Variants in PIBF1 observed in about 807,000 individuals in gnomAD.
PIBF1 encodes progesterone immunomodulatory binding factor 1.
In PIBF1, 90 loss-of-function variants were observed where a neutral mutation model predicts 112.5. The ratio of observed to expected loss-of-function variants is 0.80; its 90% CI spans 0.67 to 0.95. The LOEUF is 0.95. Ranked by LOEUF, PIBF1 falls within the 40% of genes least tolerant of loss-of-function variation. The pLI is 0.00. For missense variants in PIBF1, 915 were observed against 852.3 expected (o/e 1.07, Z -0.92); for synonymous variants, 301 against 288.6 (o/e 1.04, Z -0.44).
chr13:72,957,726 G>T (rs2042486834), intron 14 of PIBF1, among the ~76,000 whole-genome samples: 1 of 152,012 alleles, frequency 6.6e-6, no homozygotes, highest in African/African-American at 2.4e-5. Flanking sequence ...ATCACTGGAG[G>T]CCAGTAGTTC....
At chr13:72,936,220 A>T (rs191829550) in intron 14 of PIBF1, among the ~76,000 whole-genome samples, 1 of 151,972 alleles carries the variant, frequency 6.6e-6, no homozygotes, top group East Asian at 1.9e-4. Flanking sequence ...ATTTTTTTGT[A>T]GAGATGAGGT....
intron 9 of PIBF1, among the ~76,000 whole-genome samples, chr13:72,853,073 G>C (rs1485827929): frequency 6.6e-6 from 1 of 151,444 alleles, no homozygotes; most frequent in Non-Finnish European, 1.5e-5. Flanking sequence ...AAAAAAAATA[G>C]GTGACTATCT....
At chr13:72,931,288 C>G (rs949568290) in intron 14 of PIBF1, 21 bp downstream of exon 14, 1 of 1,355,704 alleles carries the variant, frequency 7.4e-7, no homozygotes, top group Non-Finnish European at 1.1e-6. Flanking sequence ...TAAAGAAACC[C>G]ATATGAAGAA....
In PIBF1 at chr13:72,821,900, C is replaced by T. The variant is rs753442090; in HGVS notation, c.724C>T (p.Arg242Cys). 115 of 1,612,404 alleles carry T rather than the reference C, an allele frequency of 7.1e-5. No homozygotes were observed. The highest frequency in any genetic ancestry group is 2.3e-4 in the African/African-American group (17 of 74,838). The change falls in exon 6 of 18, where the codon CGT becomes TGT. Residue 242 changes from arginine (R) to cysteine (C), a missense_variant. Arg to Cys is a radical substitution (Grantham distance 180). Coordinates refer to ENST00000326291, the MANE Select transcript of PIBF1 (RefSeq NM_006346.4). ...CTCTGAAGTTCAAATTAGATGTCAA[C>T]GTTTGGCCTTAGAATTAGCAGACAC... Reference protein sequence around the residue: ...NYSEVQIRCQRLALELADTKQ... With the variant: ...NYSEVQIRCQCLALELADTKQ...
At chr13:72,792,928 TATC>T (rs1178947252) in intron 3 of PIBF1, among the ~76,000 whole-genome samples, 3 of 152,222 alleles carry the variant, frequency 2.0e-5, no homozygotes, top group Non-Finnish European at 4.4e-5. Context: ...GTTGTGGGCT[TATC>T]ATGCTTAAAT....
intron 16 of PIBF1, among the ~76,000 whole-genome samples, chr13:72,994,618 A>C (rs1400203611): frequency 1.3e-5 from 2 of 152,220 alleles, no homozygotes; most frequent in African/African-American, 4.8e-5. Flanking sequence ...TAGTTATAGA[A>C]GAGGAAAGTA....
At chr13:73,005,323 A>G (rs1388398014) in intron 17 of PIBF1, among the ~76,000 whole-genome samples, 2 of 151,044 alleles carry the variant, frequency 1.3e-5, no homozygotes, top group Non-Finnish European at 3.0e-5. Context: ...TTTTTTTTAA[A>G]TTAGCCAGGC....
At chr13:72,886,951 A>G (rs1837625999) in intron 10 of PIBF1, among the ~76,000 whole-genome samples, 1 of 151,742 alleles carries the variant, frequency 6.6e-6, no homozygotes, top group South Asian at 2.1e-4. Context: ...TGGCTTTAAA[A>G]GTTTTTCCTA....
chr13:72,826,912 C>G, intron 6 of PIBF1, 98 bp from the exon 7 acceptor site: 1 of 554,656 alleles, frequency 1.8e-6, no homozygotes, highest in South Asian at 3.6e-5. Context: ...TTGCTAGTGT[C>G]TCTATTCAGC....
At chr13:72,859,699 C>G (rs1432829577) in intron 10 of PIBF1, among the ~76,000 whole-genome samples, 1 of 151,996 alleles carries the variant, frequency 6.6e-6, no homozygotes, top group Non-Finnish European at 1.5e-5. Context: ...GGTTTATAGG[C>G]TTAGATGTGA....
chr13:72,845,757 A>C, intron 9 of PIBF1, among the ~76,000 whole-genome samples: 1 of 152,142 alleles, frequency 6.6e-6, no homozygotes, highest in East Asian at 1.9e-4. Context: ...ATTATCAGTG[A>C]TGATGAGCTT....
At chr13:72,968,822 G>T (rs1353238450) in intron 15 of PIBF1, among the ~76,000 whole-genome samples, 2 of 151,998 alleles carry the variant, frequency 1.3e-5, no homozygotes, top group Non-Finnish European at 2.9e-5. Context: ...CTGAGCCCAG[G>T]AGTTCGAGAC....
At chr13:72,794,854 T>G (rs1249601926) in intron 3 of PIBF1, among the ~76,000 whole-genome samples, 1 of 152,164 alleles carries the variant, frequency 6.6e-6, no homozygotes, top group Non-Finnish European at 1.5e-5. Flanking sequence ...CTGATCAGAA[T>G]CTTTCAGTAG....
intron 9 of PIBF1, among the ~76,000 whole-genome samples, chr13:72,851,524 G>T (rs567443518): frequency 4.6e-5 from 7 of 152,358 alleles, no homozygotes; most frequent in Admixed American, 1.3e-4. Flanking sequence ...GTGTCTTGGT[G>T]CAGGCCTGCA....
At chr13:72,859,570 A>G (rs183437501) in intron 10 of PIBF1, among the ~76,000 whole-genome samples, 2 of 152,316 alleles carry the variant, frequency 1.3e-5, no homozygotes, top group East Asian at 3.9e-4. Flanking sequence ...CAACAAATTA[A>G]TTGAATAATG....
intron 14 of PIBF1, among the ~76,000 whole-genome samples, chr13:72,957,317 T>C (rs1158542002): frequency 6.6e-6 from 1 of 152,156 alleles, no homozygotes; most frequent in African/African-American, 2.4e-5. Context: ...ATATATACCA[T>C]GGAATATTAC....
At chr13:72,801,356 C>T (rs1037244971) in intron 5 of PIBF1, among the ~76,000 whole-genome samples, 1 of 150,792 alleles carries the variant, frequency 6.6e-6, no homozygotes, top group Admixed American at 6.6e-5. Flanking sequence ...AACTATGTAG[C>T]CTAGAAATAT....
chr13:72,991,004 A>C (rs1412580653), intron 16 of PIBF1, among the ~76,000 whole-genome samples: 1 of 152,222 alleles, frequency 6.6e-6, no homozygotes, highest in Non-Finnish European at 1.5e-5. Flanking sequence ...AAGCACTTCC[A>C]TTTACCAGTG....
chr13:73,010,287 G>A (rs995644100), intron 17 of PIBF1, among the ~76,000 whole-genome samples: 4 of 132,722 alleles, frequency 3.0e-5, no homozygotes, highest in South Asian at 2.5e-4. Flanking sequence ...TTCATTACCC[G>A]TGGGTTGGGA....
Sources: gnomAD v4.1 joint callset for allele counts (sites outside exome capture counted in the v4.1 genomes callset) on GRCh38, gnomAD v4.1.1 for gene constraint, MANE v1.5 for transcripts, NCBI Gene and HGNC (gene_info 2026-07-23, HGNC 2026-07-21) for gene names.